The following BPNT1 variants were observed in gnomAD, a reference collection of about 807,000 sequenced individuals.
BPNT1 encodes the protein 3'(2'),5'-bisphosphate nucleotidase 1.
Under a neutral mutation model 36.9 loss-of-function variants are expected in BPNT1, and 28 were observed. That is an observed-to-expected ratio of 0.76 (90% confidence interval 0.56 to 1.04). The LOEUF (loss-of-function observed/expected upper bound fraction) is 1.04, where lower values mean the gene tolerates loss of function less well. Ranked by LOEUF, BPNT1 falls within the 50% of genes least tolerant of loss-of-function variation. The pLI, the probability that BPNT1 is intolerant of heterozygous loss-of-function variation, is 0.00. For missense variants in BPNT1, 313 were observed against 372.9 expected (o/e 0.84, Z 1.32); for synonymous variants, 119 against 130.9 (o/e 0.91, Z 0.62).
intron 2 of BPNT1, among the ~76,000 whole-genome samples, chr1:220,074,504 T>G (rs1053992024): frequency 9.0e-6 from 1 of 111,346 alleles, no homozygotes; most frequent in Admixed American, 8.3e-5. Flanking sequence ...ATCCTATTTG[T>G]TTTTTTTTTT....
chr1:220,068,642 C>T (rs1234198070), intron 5 of BPNT1, among the ~76,000 whole-genome samples: 1 of 151,974 alleles, frequency 6.6e-6, no homozygotes, highest in Non-Finnish European at 1.5e-5. Context: ...GAAACCCCAT[C>T]TCTCCTAAAA....
In BPNT1 at chr1:220,089,765, G is replaced by A; in HGVS notation, c.-88C>T. 1 of 152,380 alleles carries A rather than the reference G, an allele frequency of 6.6e-6. No homozygotes were observed. Among genetic ancestry groups the A allele is most frequent in the African/African-American group, 2.4e-5 (1 of 41,584 alleles). The allele number at this position is 152,380 out of a possible 1,614,324, so 9.4% of individuals were successfully genotyped here. On this transcript the variant is annotated 5_prime_UTR_variant, in exon 1 of 9. Coordinates refer to ENST00000322067, the MANE Select transcript of BPNT1 (RefSeq NM_006085.6). ...AGACCCAGGTCCCTCGTTGTGTCCAGTACCGAGCTTTGGCACTGTCAATAA... is the reference window on the plus strand; with the variant it reads ...AGACCCAGGTCCCTCGTTGTGTCCAATACCGAGCTTTGGCACTGTCAATAA...
At chr1:220,074,979 T>C (rs1424079783) in intron 2 of BPNT1, among the ~76,000 whole-genome samples, 1 of 148,896 alleles carries the variant, frequency 6.7e-6, no homozygotes, top group Non-Finnish European at 1.5e-5. Flanking sequence ...CCTTATGATA[T>C]GTTGCAATTT....
chr1:220,066,803 C>T (rs1040081035), intron 6 of BPNT1, among the ~76,000 whole-genome samples: 1 of 152,150 alleles, frequency 6.6e-6, no homozygotes, highest in Non-Finnish European at 1.5e-5. Flanking sequence ...CGCTACACAG[C>T]GTTACCTGGA....
At chr1:220,086,428 C>A (rs1016359405) in intron 1 of BPNT1, among the ~76,000 whole-genome samples, 2 of 151,872 alleles carry the variant, frequency 1.3e-5, no homozygotes, top group Admixed American at 6.6e-5. Flanking sequence ...CGCATCACCA[C>A]GCCTGGCTAA....
chr1:220,086,905 G>A (rs921515826), intron 1 of BPNT1, among the ~76,000 whole-genome samples: 2 of 151,270 alleles, frequency 1.3e-5, no homozygotes, highest in Admixed American at 1.3e-4. Flanking sequence ...AAATGAGCCG[G>A]GCATATTGGC....
At chr1:220,076,137 G>A (rs866188412) in intron 2 of BPNT1, among the ~76,000 whole-genome samples, 2 of 152,128 alleles carry the variant, frequency 1.3e-5, no homozygotes, top group Non-Finnish European at 2.9e-5. Flanking sequence ...GGGAGGCCGA[G>A]GCAGGTAGAT....
At chr1:220,087,755 G>A (rs2102791345) in intron 1 of BPNT1, among the ~76,000 whole-genome samples, 1 of 151,404 alleles carries the variant, frequency 6.6e-6, no homozygotes, top group East Asian at 1.9e-4. Context: ...AACAAGAACG[G>A]GCAACACCTA....
Position 220,088,789 on chromosome 1 carries a change from T to TAA in BPNT1, c.-9+895_-9+896dup, listed in dbSNP as rs1267059944. On this transcript the variant is annotated intron_variant, in intron 1 of 8. Transcript: ENST00000322067. The stretch of plus-strand genomic sequence containing the variant: ...TGGGGGACAGAGCTAGAACCTGTCT[T>TAA]AAAAAAAAAAAAAAAAGAAAGAAAG... Among the ~76,000 whole-genome samples, 199 of 114,076 alleles carry TAA rather than the reference T, an allele frequency of 1.7e-3. 1 individual carries two copies. Among genetic ancestry groups the TAA allele is most frequent in the South Asian group, 0.013 (45 of 3,434 alleles). 74.8% of individuals were successfully genotyped at this position (114,076 alleles called of 152,430 possible). A position where few individuals can be genotyped will look rare whatever the true frequency, so the allele number is the denominator to read the frequency against.
At chr1:220,073,373 C>T (rs970075650) in intron 3 of BPNT1, among the ~76,000 whole-genome samples, 30 of 151,944 alleles carry the variant, frequency 2.0e-4, no homozygotes, top group African/African-American at 7.0e-4. Flanking sequence ...ACTGCAACCT[C>T]CCCATCCTGG....
At chr1:220,087,546 G>A (rs775690321) in intron 1 of BPNT1, among the ~76,000 whole-genome samples, 7 of 152,032 alleles carry the variant, frequency 4.6e-5, no homozygotes, top group Admixed American at 1.3e-4. Context: ...GTGACAGAGC[G>A]AGATTCCGTC....
chr1:220,080,042 T>C (rs1664960160), intron 1 of BPNT1, among the ~76,000 whole-genome samples, 188 bp from the exon 2 acceptor site: 4 of 152,240 alleles, frequency 2.6e-5, no homozygotes, highest in Admixed American at 2.6e-4. Context: ...ATTAACTCTC[T>C]CAATAAATTC....
At chr1:220,084,108 GGATCAC>G (rs572323012) in intron 1 of BPNT1, among the ~76,000 whole-genome samples, 20 of 152,040 alleles carry the variant, frequency 1.3e-4, no homozygotes, top group Non-Finnish European at 1.6e-4. Context: ...CGAGGTGGGT[GGATCAC>G]GAGGTCAGGA....
At chr1:220,071,748 C>T (rs1026637568) in intron 4 of BPNT1, among the ~76,000 whole-genome samples, 9 of 152,116 alleles carry the variant, frequency 5.9e-5, no homozygotes, top group South Asian at 2.1e-4. Context: ...AGTGCAATGG[C>T]GCAATCTCGG....
chr1:220,072,617 A>G (rs2102693191), intron 4 of BPNT1, among the ~76,000 whole-genome samples: 1 of 152,256 alleles, frequency 6.6e-6, no homozygotes, highest in Non-Finnish European at 1.5e-5. Flanking sequence ...GCCTGTCCCT[A>G]AAAGTATTTT....
Position 220,058,304 on chromosome 1 carries a change from T to G in BPNT1, c.*540A>C. On this transcript the variant is annotated 3_prime_UTR_variant, in exon 9 of 9. Transcript: ENST00000322067. ...ATACAGGAAAACAAATATAACATAT[T>G]GAGTTTATAAGTTCTCCAGACGTCA... 1 of 988,754 alleles carries G rather than the reference T, an allele frequency of 1.0e-6. No homozygotes were observed. Among genetic ancestry groups the G allele is most frequent in the Non-Finnish European group, 1.2e-6 (1 of 831,506 alleles). The allele number at this position is 988,754 out of a possible 1,614,324, so 61.2% of individuals were successfully genotyped here.
chr1:220,074,087 C>T lies in BPNT1; in HGVS notation c.121-16G>A, dbSNP rs751103337. On this transcript the variant is annotated splice_polypyrimidine_tract_variant and intron_variant, in intron 2 of 8. Transcript: ENST00000322067. ...TTGCACAGGTCTGTAATAAAGAATG[C>T]AAATTTTAGCAGAGCTAATGAAAAA... 1.2e-6 allele frequency: 2 copies of T among 1,603,252 alleles called. No homozygotes were observed. Among genetic ancestry groups the T allele is most frequent in the South Asian group, 1.1e-5 (1 of 88,464 alleles).
At chr1:220,082,062 CAA>C (rs1491113136) in intron 1 of BPNT1, among the ~76,000 whole-genome samples, 2 of 57,478 alleles carry the variant, frequency 3.5e-5, no homozygotes, top group East Asian at 1.1e-3. Flanking sequence ...GTTCCAAGGA[CAA>C]TATATATATA....
intron 2 of BPNT1, among the ~76,000 whole-genome samples, chr1:220,074,374 C>T (rs1206237715): frequency 6.6e-6 from 1 of 152,160 alleles, no homozygotes; most frequent in East Asian, 1.9e-4. Context: ...TATAACTTTT[C>T]AAGGCAAAGT....
Sources: gnomAD v4.1 joint callset for allele counts (sites outside exome capture counted in the v4.1 genomes callset) on GRCh38, gnomAD v4.1.1 for gene constraint, MANE v1.5 for transcripts, NCBI Gene and HGNC (gene_info 2026-07-23, HGNC 2026-07-21) for gene names.